LINGO3: variants seen among roughly 807,000 people sequenced by gnomAD.
The protein encoded by LINGO3 is leucine rich repeat and Ig domain containing 3.
For missense variants in LINGO3, 750 were observed against 867.7 expected (o/e 0.86, Z 1.70); for synonymous variants, 427 against 444.2 (o/e 0.96, Z 0.49).
At chr19:2,304,026 G>A in the LINGO3 span, among the ~76,000 whole-genome samples, 1 of 152,242 alleles carries the variant, frequency 6.6e-6, no homozygotes, top group Non-Finnish European at 1.5e-5. Context: ...CAGGCAAGGA[G>A]GTTCCTTCCG....
At chr19:2,297,217 G>C in the LINGO3 span, among the ~76,000 whole-genome samples, 1 of 151,386 alleles carries the variant, frequency 6.6e-6, no homozygotes, top group Non-Finnish European at 1.5e-5. Flanking sequence ...GACTCATCCA[G>C]ATACTGCAAA....
At chr19:2,301,922 C>T in the LINGO3 span, among the ~76,000 whole-genome samples, 241 of 101,432 alleles carry the variant, frequency 2.4e-3, 2 homozygotes, top group African/African-American at 9.8e-3. Context: ...AGCGAGACTC[C>T]ATCTCAAAAA....
At chr19:2,293,258 A>G (rs556108642), upstream of LINGO3, among the ~76,000 whole-genome samples, 26 of 150,842 alleles carry the variant, frequency 1.7e-4, no homozygotes, top group East Asian at 3.2e-3. Context: ...TAGAGACGGG[A>G]TTTCACCGTG....
At chr19:2,308,142 AGCCGCCGCCGCCGCC>A in the LINGO3 span, among the ~76,000 whole-genome samples, 12 of 139,692 alleles carry the variant, frequency 8.6e-5, no homozygotes, top group East Asian at 2.1e-4. Flanking sequence ...CGACACGAGC[AGCCGCCGCCGCCGCC>A]GCCGCCGCCG....
upstream of LINGO3, among the ~76,000 whole-genome samples, chr19:2,293,144 A>G (rs528091501): frequency 3.6e-4 from 54 of 152,042 alleles, 2 homozygotes; most frequent in South Asian, 0.011. Context: ...ACCTCACTGC[A>G]AGCTCTGCCT....
the LINGO3 span, among the ~76,000 whole-genome samples, chr19:2,300,275 A>G: frequency 1.3e-5 from 2 of 151,206 alleles, no homozygotes. Context: ...CAGGTGATCC[A>G]CCTGCCTCAG....
chr19:2,298,453 A>G, the LINGO3 span, among the ~76,000 whole-genome samples: 1 of 151,872 alleles, frequency 6.6e-6, no homozygotes, highest in Non-Finnish European at 1.5e-5. Flanking sequence ...GCTGGTCTCG[A>G]ACTCCTGGGC....
chr19:2,291,147 G>A, exon 1 of LINGO3: 1 of 1,607,188 alleles, frequency 6.2e-7, no homozygotes, highest in Non-Finnish European at 8.5e-7. Flanking sequence ...CCAGGGAGGC[G>A]ATGGCCAGGT....
At chr19:2,296,811 G>A (rs190801463), upstream of LINGO3, among the ~76,000 whole-genome samples, 5 of 151,534 alleles carry the variant, frequency 3.3e-5, no homozygotes, top group Admixed American at 1.3e-4. Context: ...AGAATAGGCC[G>A]GGCATGGTGG....
the LINGO3 span, among the ~76,000 whole-genome samples, chr19:2,298,781 C>T: frequency 5.2e-4 from 79 of 152,126 alleles, no homozygotes; most frequent in Non-Finnish European, 1.0e-3. Flanking sequence ...CCTCGTGATC[C>T]GCCCACCTCG....
the LINGO3 span, among the ~76,000 whole-genome samples, chr19:2,301,413 C>T: frequency 6.6e-6 from 1 of 152,126 alleles, no homozygotes; most frequent in Admixed American, 6.5e-5. Flanking sequence ...CCTTCCCAGT[C>T]GTGACAGGCA....
At chr19:2,300,045 T>TTA in the LINGO3 span, among the ~76,000 whole-genome samples, 22 of 146,788 alleles carry the variant, frequency 1.5e-4, no homozygotes, top group South Asian at 2.2e-3. Context: ...TTTTTTTTTT[T>TTA]ATTGAGTCGG....
chr19:2,300,268 G>T, the LINGO3 span, among the ~76,000 whole-genome samples: 4 of 151,936 alleles, frequency 2.6e-5, no homozygotes, highest in African/African-American at 4.8e-5. Context: ...CTGACCTCAG[G>T]TGATCCACCT....
At chr19:2,308,013 G>T in the LINGO3 span, among the ~76,000 whole-genome samples, 1 of 151,680 alleles carries the variant, frequency 6.6e-6, no homozygotes, top group African/African-American at 2.4e-5. Context: ...GTCGCAGGGT[G>T]CAGGTGAGGG....
At chr19:2,291,149 T>A in exon 1 of LINGO3, 1 of 1,606,860 alleles carries the variant, frequency 6.2e-7, no homozygotes, top group Non-Finnish European at 8.5e-7. Context: ...AGGGAGGCGA[T>A]GGCCAGGTGG....
At chr19:2,300,477 G>A in the LINGO3 span, among the ~76,000 whole-genome samples, 1 of 151,738 alleles carries the variant, frequency 6.6e-6, no homozygotes, top group Non-Finnish European at 1.5e-5. Context: ...ACCCACCTGG[G>A]GCATTACCTC....
In LINGO3 at chr19:2,290,865, G is replaced by A. The variant is rs757016533; in HGVS notation, c.912C>T (p.Ala304=). 9 of 1,611,560 alleles carry A rather than the reference G, an allele frequency of 5.6e-6. No homozygotes were observed. The South Asian group carries it at 9.9e-5, about 18-fold the overall frequency. The change falls in exon 1 of 1, where the codon GCC becomes GCT. Residue 304 remains alanine, a synonymous_variant. Transcript: ENST00000585527. The surrounding 1 kb of genome is among the most constrained non-coding windows in gnomAD (Gnocchi z 6.0). ...CCTGCGGCTCCACCACAGCCAGCAGGGCCCCGGCCAGGTGCAGCTCGCGCA... is the reference window on the plus strand; with the variant it reads ...CCTGCGGCTCCACCACAGCCAGCAGAGCCCCGGCCAGGTGCAGCTCGCGCA...
At chr19:2,291,877 G>C (rs746596085) in exon 1 of LINGO3, 1 of 1,038,612 alleles carries the variant, frequency 9.6e-7, no homozygotes, top group African/African-American at 1.6e-5. Flanking sequence ...CCTCCGCGGC[G>C]CCTCTGCCGC....
Position 2,291,618 on chromosome 19 carries a change from CG to C in LINGO3, c.158del (p.Pro53ArgfsTer17). On this transcript the variant is annotated frameshift_variant, in exon 1 of 1. Transcript: ENST00000585527. LOFTEE classifies it low-confidence loss of function (END_TRUNC). The stretch of plus-strand genomic sequence containing the variant: ...TGAGCTCCAGCAGGCGGGTCTCGGC[CG>C]GGATGCCGTCGGGCACGGCGGTCAG... 6.8e-7 allele frequency: 1 copy of C among 1,481,412 alleles called. No homozygotes were observed. The highest frequency in any genetic ancestry group is 1.3e-5 in the South Asian group (1 of 75,618). The allele number at this position is 1,481,412 out of a possible 1,614,324, so 91.8% of individuals were successfully genotyped here. A position where few individuals can be genotyped will look rare whatever the true frequency, so the allele number is the denominator to read the frequency against.
Sources: allele counts gnomAD v4.1 joint callset (sites outside exome capture counted in the v4.1 genomes callset), GRCh38; gene constraint gnomAD v4.1.1; non-coding constraint Gnocchi (gnomAD v3.1); transcripts MANE v1.5; gene names NCBI Gene and HGNC (gene_info 2026-07-23, HGNC 2026-07-21).